ZNF469: variants seen among roughly 807,000 people sequenced by gnomAD.
The protein encoded by ZNF469 is zinc finger protein 469.
Under a neutral mutation model 1.0 loss-of-function variants are expected in ZNF469, and 1 was observed. The ratio of observed to expected loss-of-function variants is 1.00; its 90% CI spans 0.35 to 4.73. The LOEUF is 4.73. ZNF469 is among the 30% of genes most tolerant of loss of function. The probability of loss-of-function intolerance (pLI) is 0.16; values close to 1 mark genes in which losing one functional copy is unlikely to be tolerated. For synonymous variants in ZNF469, 2,703 were observed against 2,363.4 expected, an observed-to-expected ratio of 1.14 and a Z score of -4.17; for missense variants, 6,100 against 5,356.3, an observed-to-expected ratio of 1.14 and a Z score of -4.33.
the ZNF469 span, among the ~76,000 whole-genome samples, chr16:88,186,207 G>T: frequency 6.6e-6 from 1 of 152,352 alleles, no homozygotes; most frequent in Admixed American, 6.5e-5. Context: ...TCTTCCGGGA[G>T]GCCAAGTTTC....
At chr16:88,119,977 C>T in the ZNF469 span, among the ~76,000 whole-genome samples, 1 of 152,174 alleles carries the variant, frequency 6.6e-6, no homozygotes, top group African/African-American at 2.4e-5. Context: ...CTGCCGCCGC[C>T]GTGCGTGCTG....
In ZNF469 at chr16:88,430,399, G is replaced by A. The variant is rs770061832; in HGVS notation, c.2929G>A (p.Gly977Ser). ...GTCGGGCGGCGGCGGCAGAGCCTCC[G>A]GCCTGAGGCCCCGGAGGAACGACGG... The part of the protein sequence containing the change: ...SGSGGGGRAS[G>S]LRPRRNDGLG... Residue 977 changes from glycine (G) to serine (S), a missense_variant, in exon 3 of 3, where the codon GGC (glycine) becomes AGC (serine). Coordinates refer to ENST00000565624, the MANE Select transcript of ZNF469 (RefSeq NM_001367624.2). 13 of 1,519,690 alleles carry A rather than the reference G, an allele frequency of 8.6e-6. No homozygotes were observed. Among genetic ancestry groups the A allele is most frequent in the Middle Eastern group, 1.9e-4 (1 of 5,310 alleles). 94.1% of individuals were successfully genotyped at this position (1,519,690 alleles called of 1,614,324 possible).
the ZNF469 span, among the ~76,000 whole-genome samples, chr16:88,236,464 A>ACGTGTC: frequency 6.6e-6 from 1 of 152,200 alleles, no homozygotes; most frequent in Admixed American, 6.5e-5. Flanking sequence ...GTATAAAGAG[A>ACGTGTC]CGTGTCCGAC....
Position 88,437,798 on chromosome 16 carries a change from G to T in ZNF469, c.10328G>T (p.Gly3443Val), listed in dbSNP as rs140056980. The change falls in exon 3 of 3, where the codon GGG (glycine) becomes GTG (valine). Residue 3443 changes from glycine (G) to valine (V), a missense_variant. Gly to Val is a moderately radical substitution (Grantham distance 109, BLOSUM62 -3). Coordinates refer to ENST00000565624, the MANE Select transcript of ZNF469 (RefSeq NM_001367624.2). Reference protein sequence around the residue: ...FDRHMNKHLRGGRQPFAFRGV... With the variant: ...FDRHMNKHLRVGRQPFAFRGV... ...CGCCACATGAACAAGCACCTCAGGG[G>T]GGGGCGGCAGCCCTTCGCGTTCCGC... 1.3e-3 allele frequency: 2,081 copies of T among 1,546,100 alleles called. 47 individuals carry two copies. The East Asian group carries it at 0.03, about 22-fold the overall frequency.
At chr16:88,157,534 C>T in the ZNF469 span, among the ~76,000 whole-genome samples, 57 of 152,250 alleles carry the variant, frequency 3.7e-4, no homozygotes, top group Middle Eastern at 3.4e-3. Context: ...TGGGACAGCA[C>T]CCATCTCTCC....
the ZNF469 span, among the ~76,000 whole-genome samples, chr16:88,336,532 G>A: frequency 3.5e-5 from 5 of 143,424 alleles, no homozygotes; most frequent in South Asian, 2.2e-4. Context: ...CATCCTTCAC[G>A]TGAGACACTG....
chr16:88,322,805 A>G, the ZNF469 span, among the ~76,000 whole-genome samples: 1 of 152,186 alleles, frequency 6.6e-6, no homozygotes. Flanking sequence ...GGATGGGGGA[A>G]CCATCGAATG....
chr16:88,203,908 C>T, the ZNF469 span, among the ~76,000 whole-genome samples: 57 of 152,298 alleles, frequency 3.7e-4, 2 homozygotes, highest in South Asian at 0.011. Context: ...CACAACTCAA[C>T]CCATAGCAAG....
chr16:88,354,890 A>T, the ZNF469 span, among the ~76,000 whole-genome samples: 1 of 152,166 alleles, frequency 6.6e-6, no homozygotes, highest in East Asian at 1.9e-4. Context: ...GGGTGCTGCA[A>T]GGGAGGCCTG....
the ZNF469 span, among the ~76,000 whole-genome samples, chr16:88,222,353 A>G: frequency 6.6e-6 from 1 of 152,064 alleles, no homozygotes; most frequent in Non-Finnish European, 1.5e-5. Flanking sequence ...CAGTGGTGCA[A>G]TCACAGCCCA....
At chr16:88,258,686 T>C in the ZNF469 span, among the ~76,000 whole-genome samples, 9 of 152,050 alleles carry the variant, frequency 5.9e-5, no homozygotes, top group African/African-American at 1.9e-4. Context: ...ACGATGATGG[T>C]GGTGGTGGTC....
the ZNF469 span, among the ~76,000 whole-genome samples, chr16:88,360,452 A>C: frequency 6.6e-6 from 1 of 151,054 alleles, no homozygotes; most frequent in South Asian, 2.1e-4. Flanking sequence ...CAGCGCCCGC[A>C]TGCTCCCCCA....
At chr16:88,275,796 C>G in the ZNF469 span, among the ~76,000 whole-genome samples, 44 of 152,196 alleles carry the variant, frequency 2.9e-4, 1 homozygote, top group Admixed American at 2.8e-3. Context: ...GGTCCTGACT[C>G]TTGTTGCGGC....
At chr16:88,283,817 A>G in the ZNF469 span, among the ~76,000 whole-genome samples, 1,331 of 79,548 alleles carry the variant, frequency 0.017, no homozygotes, top group Middle Eastern at 0.037. Context: ...GAGGTCTGTG[A>G]AGGCTGGTAG....
chr16:88,202,156 C>T, the ZNF469 span, among the ~76,000 whole-genome samples: 3 of 152,196 alleles, frequency 2.0e-5, no homozygotes, highest in Non-Finnish European at 2.9e-5. Flanking sequence ...ACGGCACCTG[C>T]GAATCCACGT....
At chr16:88,236,200 A>G in the ZNF469 span, among the ~76,000 whole-genome samples, 1 of 152,262 alleles carries the variant, frequency 6.6e-6, no homozygotes, top group African/African-American at 2.4e-5. Flanking sequence ...CAGCATCAGA[A>G]AAAGCCCTGG....
the ZNF469 span, among the ~76,000 whole-genome samples, chr16:88,265,152 G>T: frequency 6.6e-6 from 1 of 152,192 alleles, no homozygotes; most frequent in Non-Finnish European, 1.5e-5. Flanking sequence ...AGCCAGCAAT[G>T]GGGAGTCCCG....
the ZNF469 span, among the ~76,000 whole-genome samples, chr16:88,252,856 A>G: frequency 1.3e-5 from 2 of 152,158 alleles, no homozygotes; most frequent in African/African-American, 4.8e-5. Flanking sequence ...TCTCTTTTCC[A>G]GTCAGTTCCA....
the ZNF469 span, among the ~76,000 whole-genome samples, chr16:88,254,035 T>A: frequency 2.0e-5 from 3 of 152,216 alleles, no homozygotes; most frequent in Admixed American, 2.0e-4. Flanking sequence ...CAAATTTAAC[T>A]TTTTTCTTTT....
Sources: gnomAD v4.1 joint callset for allele counts (sites outside exome capture counted in the v4.1 genomes callset) on GRCh38, gnomAD v4.1.1 for gene constraint, MANE v1.5 for transcripts, NCBI Gene and HGNC (gene_info 2026-07-23, HGNC 2026-07-21) for gene names.